Variants in SDK1 observed in about 807,000 individuals in gnomAD.
SDK1 encodes protein sidekick-1.
SDK1 carries 157 observed loss-of-function variants against 245.5 expected under a neutral mutation model. The observed-to-expected ratio is 0.64, with a 90% CI of 0.56 to 0.73. SDK1 has a LOEUF of 0.73. SDK1 is among the 30% of genes least tolerant of loss of function. The pLI, the probability that SDK1 is intolerant of heterozygous loss-of-function variation, is 0.00. For synonymous variants in SDK1, 1,647 were observed against 1,278.5 expected (o/e 1.29, Z -6.15); for missense variants, 3,583 against 3,002.3 (o/e 1.19, Z -4.52).
At chr7:4,249,919 C>T (rs1037454713) in intron 44 of SDK1, among the ~76,000 whole-genome samples, 1 of 152,186 alleles carries the variant, frequency 6.6e-6, no homozygotes, top group Admixed American at 6.5e-5. Flanking sequence ...GTACACAATT[C>T]AGTGGGTTTC....
At chr7:3,674,670 T>A (rs935124418) in intron 4 of SDK1, among the ~76,000 whole-genome samples, 2 of 152,160 alleles carry the variant, frequency 1.3e-5, no homozygotes, top group African/African-American at 4.8e-5. Flanking sequence ...TTGTTCAGTG[T>A]TTGATAACTA....
intron 5 of SDK1, among the ~76,000 whole-genome samples, chr7:3,841,855 A>T (rs1562483411): frequency 1.3e-5 from 2 of 152,114 alleles, no homozygotes; most frequent in Non-Finnish European, 2.9e-5. Context: ...GAGCCACTGC[A>T]CCAGGTGTTA....
chr7:3,459,310 T>C (rs955953539), intron 1 of SDK1, among the ~76,000 whole-genome samples: 7 of 152,222 alleles, frequency 4.6e-5, no homozygotes, highest in African/African-American at 1.7e-4. Context: ...ACTTTTTGTA[T>C]GGCTCATCAC....
intron 35 of SDK1, among the ~76,000 whole-genome samples, chr7:4,184,995 C>T (rs1381622654): frequency 6.6e-6 from 1 of 152,214 alleles, no homozygotes; most frequent in Non-Finnish European, 1.5e-5. Context: ...CACTGGCTGT[C>T]TTCAGCCTGC....
chr7:3,769,342 G>A (rs1562430001), intron 4 of SDK1, among the ~76,000 whole-genome samples: 1 of 152,168 alleles, frequency 6.6e-6, no homozygotes. Flanking sequence ...GAGTCCTGAG[G>A]TGTAGTACAG....
In SDK1 at chr7:3,868,880, C is replaced by G. The variant is rs925759116; in HGVS notation, c.847+47297C>G. Among the ~76,000 whole-genome samples the G allele has an allele frequency of 3.3e-5, 5 of 152,278 alleles. No individual in the cohort carries two copies. The South Asian group carries it at 8.3e-4, about 25-fold the overall frequency. ...CATTGACCCTGCTTGCTTTTGTTAC[C>G]TAATATTCTGAGCTGAATAAATGAT... On this transcript the variant is annotated intron_variant, in intron 5 of 44. Coordinates refer to ENST00000404826, the MANE Select transcript of SDK1 (RefSeq NM_152744.4).
At chr7:3,722,830 C>A (rs189160641) in intron 4 of SDK1, among the ~76,000 whole-genome samples, 1 of 152,304 alleles carries the variant, frequency 6.6e-6, no homozygotes, top group East Asian at 1.9e-4. Flanking sequence ...TTCTGGCTCA[C>A]AGGGCCATCT....
intron 1 of SDK1, among the ~76,000 whole-genome samples, chr7:3,578,799 A>C (rs1314065444): frequency 1.3e-5 from 2 of 151,832 alleles, no homozygotes; most frequent in Non-Finnish European, 2.9e-5. Flanking sequence ...CTTGTTCCCT[A>C]AAATCGCTGT....
chr7:3,832,984 C>G (rs562207949), intron 5 of SDK1, among the ~76,000 whole-genome samples: 1 of 151,934 alleles, frequency 6.6e-6, no homozygotes, highest in Non-Finnish European at 1.5e-5. Context: ...AGACGGATAC[C>G]AAAGATATTA....
chr7:4,044,744 C>A (rs888378986), intron 17 of SDK1, among the ~76,000 whole-genome samples: 1 of 152,172 alleles, frequency 6.6e-6, no homozygotes, highest in Non-Finnish European at 1.5e-5. Flanking sequence ...CATGCCCTGC[C>A]TGCAGCATGT....
At chr7:3,550,371 C>T (rs116937536) in intron 1 of SDK1, among the ~76,000 whole-genome samples, 17 of 152,160 alleles carry the variant, frequency 1.1e-4, no homozygotes, top group Admixed American at 3.9e-4. Flanking sequence ...AATATACTCA[C>T]AATCAACATA....
intron 30 of SDK1, among the ~76,000 whole-genome samples, chr7:4,151,180 G>A (rs947865774): frequency 3.9e-5 from 6 of 152,102 alleles, no homozygotes; most frequent in African/African-American, 1.4e-4. Context: ...ACGGACCATC[G>A]GGAACCCATG....
intron 4 of SDK1, among the ~76,000 whole-genome samples, chr7:3,764,411 C>G (rs919916367): frequency 2.0e-5 from 3 of 152,158 alleles, no homozygotes; most frequent in Non-Finnish European, 4.4e-5. Context: ...CTAGGCCGGG[C>G]ACAGTGACTC....
chr7:3,965,109 A>G (rs1272878075), intron 9 of SDK1, among the ~76,000 whole-genome samples: 1 of 152,148 alleles, frequency 6.6e-6, no homozygotes, highest in Non-Finnish European at 1.5e-5. Context: ...GATGTGGCCT[A>G]CTCAGCATTG....
Position 4,266,290 on chromosome 7 carries a change from A to T in SDK1, c.*906A>T. ...TTTATCTTTTTTTAAACTATGTCAC[A>T]TGAAATGAATGCGTCTTTGCTGTCT... On this transcript the variant is annotated 3_prime_UTR_variant, in exon 45 of 45. Transcript: ENST00000404826. 2.0e-6 allele frequency: 2 copies of T among 985,454 alleles called. No homozygotes were observed. The highest frequency in any genetic ancestry group is 2.4e-6 in the Non-Finnish European group (2 of 829,896). 61.0% of individuals were successfully genotyped at this position (985,454 alleles called of 1,614,324 possible). A position where few individuals can be genotyped will look rare whatever the true frequency, so the allele number is the denominator to read the frequency against.
At chr7:4,013,203 A>T (rs978840719) in intron 16 of SDK1, among the ~76,000 whole-genome samples, 1 of 152,222 alleles carries the variant, frequency 6.6e-6, no homozygotes, top group East Asian at 1.9e-4. Flanking sequence ...AATTATTGGG[A>T]ACACTGTATC....
chr7:3,374,808 A>G (rs1248489933), intron 1 of SDK1, among the ~76,000 whole-genome samples: 1 of 152,122 alleles, frequency 6.6e-6, no homozygotes, highest in African/African-American at 2.4e-5. Flanking sequence ...AAAATTTTTC[A>G]GAATTGATTA....
chr7:3,974,311 G>A, intron 12 of SDK1, 58 bp from the exon 13 acceptor site: 1 of 1,439,944 alleles, frequency 6.9e-7, no homozygotes. Flanking sequence ...GACAGGGAAG[G>A]AGCAGTGATT....
chr7:3,900,201 A>G (rs1033828266), intron 5 of SDK1, among the ~76,000 whole-genome samples: 79 of 152,210 alleles, frequency 5.2e-4, no homozygotes, highest in African/African-American at 1.7e-3. Context: ...TTTCATCCCC[A>G]TAATTCTCTG....
Sources: allele counts gnomAD v4.1 joint callset (sites outside exome capture counted in the v4.1 genomes callset), GRCh38; gene constraint gnomAD v4.1.1; transcripts MANE v1.5; gene names NCBI Gene and HGNC (gene_info 2026-07-23, HGNC 2026-07-21).